The following AGBL1 variants were observed in gnomAD, a reference collection of about 807,000 sequenced individuals.
AGBL1 encodes the protein AGBL carboxypeptidase 1.
A neutral mutation model predicts 118.9 loss-of-function variants in AGBL1; 130 were observed. That is an observed-to-expected ratio of 1.09 (90% CI 0.95 to 1.26). The LOEUF (loss-of-function observed/expected upper bound fraction) is 1.26, where lower values mean the gene tolerates loss of function less well. Among genes scored for constraint, AGBL1 ranks in the 50% most tolerant of loss-of-function variants. The pLI, the probability that AGBL1 is intolerant of heterozygous loss-of-function variation, is 0.00. For synonymous variants in AGBL1, 555 were observed against 478.9 expected (o/e 1.16, Z -2.08); for missense variants, 1,584 against 1,298.1 (o/e 1.22, Z -3.38).
chr15:86,788,237 T>G (rs2078443233), intron 22 of AGBL1, among the ~76,000 whole-genome samples: 1 of 152,168 alleles, frequency 6.6e-6, no homozygotes, highest in Non-Finnish European at 1.5e-5. Flanking sequence ...AGCAGACCTA[T>G]TACCACAGAA....
At chr15:87,019,411 TAACA>T (rs1010545960) in intron 24 of AGBL1, among the ~76,000 whole-genome samples, 2 of 151,978 alleles carry the variant, frequency 1.3e-5, no homozygotes, top group African/African-American at 2.4e-5. Flanking sequence ...ACTGAAGTTA[TAACA>T]AACAGTCTGT....
Position 86,825,924 on chromosome 15 carries a change from G to T in AGBL1, c.3159-81163G>T, listed in dbSNP as rs975840103. Among the ~76,000 whole-genome samples the T allele has an allele frequency of 3.0e-5, 4 of 132,650 alleles. No homozygotes were observed. In the East Asian group the frequency reaches 9.0e-4, roughly 30 times the overall value. The allele number at this position is 132,650 out of a possible 152,430, so 87.0% of individuals were successfully genotyped here. On this transcript the variant is annotated intron_variant, in intron 22 of 22. Transcript: ENST00000614907. ...AGATAGATAGATAGATAGATAGATA[G>T]ATAGATAGATAGACAGATGAGATAA...
intron 21 of AGBL1, among the ~76,000 whole-genome samples, chr15:86,604,744 G>A (rs1039217985): frequency 6.6e-6 from 1 of 150,572 alleles, no homozygotes; most frequent in African/African-American, 2.4e-5. Context: ...ATTATGAATT[G>A]CAATGATTGC....
Position 86,269,995 on chromosome 15 carries a change from G to T in AGBL1, c.1915G>T (p.Gly639Cys), listed in dbSNP as rs180793760. The T allele has an allele frequency of 1.9e-5, 31 of 1,613,494 alleles. No homozygotes were observed. Among genetic ancestry groups the T allele is most frequent in the Non-Finnish European group, 2.6e-5 (31 of 1,179,768 alleles). Reference protein sequence around the residue: ...HQQWFYFKVSGMQAAIPYHFN... With the variant: ...HQQWFYFKVSCMQAAIPYHFN... ...GCAGTGGTTCTATTTCAAAGTGAGC[G>T]GTATGCAGGCGGCCATCCCTTACCA... is the stretch of plus-strand genomic sequence containing the variant. The change falls in exon 14 of 23, where the codon GGT becomes TGT. Residue 639 changes from glycine to cysteine, a missense_variant. Transcript: ENST00000614907.
chr15:86,535,270 C>T (rs535603310), intron 19 of AGBL1, among the ~76,000 whole-genome samples: 1 of 152,354 alleles, frequency 6.6e-6, no homozygotes, highest in African/African-American at 2.4e-5. Flanking sequence ...CTACAATCAG[C>T]TAGCAGAAGG....
chr15:86,410,874 TA>T (rs2081605361), intron 18 of AGBL1, among the ~76,000 whole-genome samples: 1 of 77,106 alleles, frequency 1.3e-5, no homozygotes. Context: ...ATATATAATA[TA>T]TATTATAATA....
intron 22 of AGBL1, among the ~76,000 whole-genome samples, chr15:86,825,786 C>G (rs1448473050): frequency 6.6e-6 from 1 of 150,728 alleles, no homozygotes; most frequent in Non-Finnish European, 1.5e-5. Context: ...ATCAGAATGG[C>G]TACTTTTTTT....
chr15:86,568,592 G>C (rs913943680), intron 21 of AGBL1, among the ~76,000 whole-genome samples: 1 of 152,218 alleles, frequency 6.6e-6, no homozygotes, highest in Non-Finnish European at 1.5e-5. Flanking sequence ...TTCTGTGACT[G>C]CATGGGATGC....
At position 86,909,618 on chromosome 15, in the gene AGBL1, A is replaced by G. The variant is rs554435391; in HGVS notation, c.*2324A>G. On this transcript the variant is annotated 3_prime_UTR_variant, in exon 23 of 23. Transcript: ENST00000614907. The stretch of plus-strand genomic sequence containing the variant: ...CAAGAAATTTGAAGACTATTAGCAA[A>G]GATAATGAAAGTGAAACCCAAACGC... 5.7e-4 allele frequency: 87 copies of G among 152,340 alleles called. No individual in the cohort carries two copies. The highest frequency in any genetic ancestry group is 2.0e-3 in the African/African-American group (85 of 41,584). The allele number at this position is 152,340 out of a possible 1,614,324, so 9.4% of individuals were successfully genotyped here. A position where few individuals can be genotyped will look rare whatever the true frequency, so the allele number is the denominator to read the frequency against.
chr15:86,279,210 G>C (rs1272001109), intron 15 of AGBL1, among the ~76,000 whole-genome samples: 4 of 152,202 alleles, frequency 2.6e-5, no homozygotes, highest in Non-Finnish European at 5.9e-5. Context: ...GAGCGGAAAG[G>C]AAGGAGTTGA....
intron 4 of AGBL1, 115 bp downstream of exon 4, chr15:86,154,676 G>C (rs755943063): frequency 1.6e-6 from 2 of 1,251,250 alleles, no homozygotes; most frequent in Non-Finnish European, 1.1e-6. Flanking sequence ...ACACATGGTG[G>C]TCCCAGCCAG....
intron 22 of AGBL1, among the ~76,000 whole-genome samples, chr15:86,700,022 T>A (rs1268675994): frequency 1.3e-5 from 2 of 152,058 alleles, no homozygotes; most frequent in African/African-American, 2.4e-5. Context: ...CATTCTGTGG[T>A]AAGGAAGAGC....
rs1296850925 is a variant in AGBL1, at chr15:86,613,452, G to A, written c.2994+58915G>A. Among the ~76,000 whole-genome samples the A allele has an allele frequency of 2.6e-5, 4 of 152,196 alleles. No homozygotes were observed. The highest frequency in any genetic ancestry group is 4.8e-5 in the African/African-American group (2 of 41,464). On this transcript the variant is annotated intron_variant, in intron 21 of 22. Transcript: ENST00000614907. This position sits in a 1 kb window ranked among gnomAD's most constrained non-coding sequence, Gnocchi z 4.2. ...AGCCAGATGAGTGGCAGGAGGAGCT[G>A]TGGGCATTTAGCTCAGACAGAGAAG...
At chr15:86,956,284 G>T (rs908799781) in intron 23 of AGBL1, among the ~76,000 whole-genome samples, 6 of 151,724 alleles carry the variant, frequency 4.0e-5, no homozygotes, top group Non-Finnish European at 7.4e-5. Flanking sequence ...TAGAGATGAT[G>T]GATGATATAG....
intron 23 of AGBL1, among the ~76,000 whole-genome samples, chr15:86,968,788 G>A (rs1418957972): frequency 2.0e-5 from 3 of 151,864 alleles, no homozygotes; most frequent in Non-Finnish European, 4.4e-5. Flanking sequence ...CTAGAGGCTG[G>A]AAAGTCCACA....
intron 18 of AGBL1, among the ~76,000 whole-genome samples, chr15:86,494,601 C>T (rs544563489): frequency 1.3e-5 from 2 of 152,072 alleles, no homozygotes; most frequent in Non-Finnish European, 2.9e-5. Flanking sequence ...AACTTATTAT[C>T]ACCTACCGAT....
chr15:86,315,701 G>T (rs1438404814), intron 17 of AGBL1, among the ~76,000 whole-genome samples: 1 of 137,222 alleles, frequency 7.3e-6, no homozygotes, highest in Non-Finnish European at 1.5e-5. Context: ...CTGGGTGACA[G>T]AGTGAGACTT....
At chr15:86,377,835 T>C (rs2081060739) in intron 17 of AGBL1, among the ~76,000 whole-genome samples, 7 of 152,184 alleles carry the variant, frequency 4.6e-5, no homozygotes, top group Admixed American at 4.6e-4. Flanking sequence ...TGTTTTTATC[T>C]TCTAGAGATA....
chr15:86,434,257 C>T (rs1264561334), intron 18 of AGBL1, among the ~76,000 whole-genome samples: 1 of 152,198 alleles, frequency 6.6e-6, no homozygotes, highest in Non-Finnish European at 1.5e-5. Context: ...CCTTTATTCT[C>T]ACCACCCAGT....
Sources: gnomAD v4.1 joint callset for allele counts (sites outside exome capture counted in the v4.1 genomes callset) on GRCh38, gnomAD v4.1.1 for gene constraint, Gnocchi (gnomAD v3.1) non-coding constraint, MANE v1.5 for transcripts, NCBI Gene and HGNC (gene_info 2026-07-23, HGNC 2026-07-21) for gene names.